The following ZFHX3 variants were observed in gnomAD, a reference collection of about 807,000 sequenced individuals.
The protein encoded by ZFHX3 is zinc finger homeobox 3, also known as zinc finger homeobox protein 3.
A neutral mutation model predicts 279.1 loss-of-function variants in ZFHX3; 42 were observed. The ratio of observed to expected loss-of-function variants is 0.15; its 90% CI spans 0.12 to 0.19. The LOEUF (loss-of-function observed/expected upper bound fraction) is 0.19. Among genes scored for constraint, ZFHX3 ranks in the 10% least tolerant of loss-of-function variants. The pLI, the probability that ZFHX3 is intolerant of heterozygous loss-of-function variation, is 1.00. For missense variants in ZFHX3, 4,981 were observed against 4,754.0 expected (o/e 1.05, Z -1.40); for synonymous variants, 2,293 against 1,957.8 (o/e 1.17, Z -4.52).
At chr16:73,421,154 GA>G (rs3214481) in intron 3 of ZFHX3, 106,101 of 151,690 alleles carry the variant, frequency 0.7, 37,546 homozygotes, top group African/African-American at 0.82. Context: ...CAAATGAATG[GA>G]AAAAAAAATA....
Position 73,467,157 on chromosome 16 carries a change from T to C in ZFHX3, c.-1546-10899A>G, listed in dbSNP as rs372351932. Among the ~76,000 whole-genome samples the C allele has an allele frequency of 1.4e-4, 22 of 152,160 alleles. 1 individual carries two copies. The South Asian group carries it at 4.6e-3, about 32-fold the overall frequency. ...TTTGCATCTCAAGAAGTCATAAAAA[T>C]GGGATGAATCAGGAGTCAGGAAAAG... On this transcript the variant is annotated intron_variant, in intron 2 of 17. Transcript: ENST00000641206.
chr16:73,822,106 C>A (rs1960761187), intron 1 of ZFHX3, among the ~76,000 whole-genome samples: 1 of 152,150 alleles, frequency 6.6e-6, no homozygotes, highest in Admixed American at 6.5e-5. Context: ...CATCAGTGTC[C>A]AGTACAATAA....
At chr16:73,138,388 G>A (rs574329229) in intron 6 of ZFHX3, among the ~76,000 whole-genome samples, 6 of 152,078 alleles carry the variant, frequency 3.9e-5, no homozygotes, top group South Asian at 4.2e-4. Flanking sequence ...GAATCTACCC[G>A]CTGACGGTCA....
In ZFHX3 at chr16:73,525,921, G is replaced by A. The variant is rs138936423; in HGVS notation, c.-1546-69663C>T. On this transcript the variant is annotated intron_variant, in intron 2 of 17. Transcript: ENST00000641206. ...AAAAGCAGGTGAGAGCCAGACACAC[G>A]ATTTACCCCAAGCTTCTGCCTCTTG... Among the ~76,000 whole-genome samples, 5 of 152,240 alleles carry A rather than the reference G, an allele frequency of 3.3e-5. No individual in the cohort carries two copies. The South Asian group carries it at 8.3e-4, about 25-fold the overall frequency.
rs750683557 is a variant in ZFHX3 at position 73,197,405 on chromosome 16, T to C, written c.-1103-53574A>G. ...CTAGCAAGGTGGATATGGTGATTGGTCCAAGTACCATGTCTGTTGTCTGTT... is the reference window on the plus strand; with the variant it reads ...CTAGCAAGGTGGATATGGTGATTGGCCCAAGTACCATGTCTGTTGTCTGTT... On this transcript the variant is annotated intron_variant, in intron 5 of 17. Transcript: ENST00000641206. Among the ~76,000 whole-genome samples, 5 of 152,166 alleles carry C rather than the reference T, an allele frequency of 3.3e-5. No homozygotes were observed. The South Asian group carries it at 1.0e-3, about 31-fold the overall frequency.
At chr16:73,143,898 T>C in intron 5 of ZFHX3, 1 of 582,852 alleles carries the variant, frequency 1.7e-6, no homozygotes, top group South Asian at 1.6e-5. Context: ...GCAGGCCAAG[T>C]GGCTAATGAA....
intron 5 of ZFHX3, among the ~76,000 whole-genome samples, chr16:73,159,672 A>C (rs1334357868): frequency 3.9e-5 from 6 of 152,152 alleles, no homozygotes; most frequent in Admixed American, 3.9e-4. Context: ...TTAAGTTACT[A>C]AGTGTTGGGA....
At chr16:72,949,138 A>C (rs1376273024) in intron 3 of ZFHX3, among the ~76,000 whole-genome samples, 2 of 152,210 alleles carry the variant, frequency 1.3e-5, no homozygotes, top group Admixed American at 1.3e-4. Context: ...GAACAACTAT[A>C]AAATGAAGTA....
intron 2 of ZFHX3, chr16:73,554,378 T>C (rs1275656647): frequency 6.6e-6 from 1 of 152,136 alleles, no homozygotes; most frequent in Non-Finnish European, 1.5e-5. Flanking sequence ...CATGACAATA[T>C]CTTCTTTGCA....
chr16:73,682,924 G>A (rs1199783170), intron 1 of ZFHX3, among the ~76,000 whole-genome samples: 16 of 43,496 alleles, frequency 3.7e-4, no homozygotes, highest in African/African-American at 1.1e-3. Flanking sequence ...AAGAGAGAAA[G>A]AGAAAGAAAG....
In ZFHX3 at chr16:72,980,419, C is replaced by T. The variant is rs142170672; in HGVS notation, c.-49-20225G>A. Among the ~76,000 whole-genome samples the T allele has an allele frequency of 6.2e-3, 947 of 152,164 alleles. 6 individuals carry two copies. Among genetic ancestry groups the T allele is most frequent in the African/African-American group, 0.021 (873 of 41,500 alleles). On this transcript the variant is annotated intron_variant, in intron 1 of 9. Transcript: ENST00000268489. The stretch of plus-strand genomic sequence containing the variant: ...CAAATGTAAAAAGCCATTTTGGGGA[C>T]AATCAGATAAGTCTGAATTGCAACT...
intron 2 of ZFHX3, among the ~76,000 whole-genome samples, chr16:73,599,612 T>C (rs897677300): frequency 6.6e-6 from 1 of 152,140 alleles, no homozygotes; most frequent in Non-Finnish European, 1.5e-5. Flanking sequence ...CAAATTGCTT[T>C]GGATTTTCTC....
At chr16:73,191,895 T>A (rs1259504195) in intron 5 of ZFHX3, among the ~76,000 whole-genome samples, 2 of 152,172 alleles carry the variant, frequency 1.3e-5, no homozygotes, top group African/African-American at 4.8e-5. Flanking sequence ...CACGCTTTAG[T>A]GGACATATGT....
At chr16:73,416,789 G>A (rs551992255) in intron 3 of ZFHX3, among the ~76,000 whole-genome samples, 73 of 146,896 alleles carry the variant, frequency 5.0e-4, no homozygotes, top group African/African-American at 1.6e-3. Context: ...CAGGAGAATG[G>A]CGTGAACTCG....
At chr16:72,971,572 G>T (rs558446304) in intron 1 of ZFHX3, among the ~76,000 whole-genome samples, 5 of 152,084 alleles carry the variant, frequency 3.3e-5, no homozygotes, top group Non-Finnish European at 7.3e-5. Flanking sequence ...CGTTGTGTCT[G>T]TATTGCCTTA....
At chr16:73,701,373 G>A (rs1408460322) in intron 1 of ZFHX3, among the ~76,000 whole-genome samples, 1 of 152,094 alleles carries the variant, frequency 6.6e-6, no homozygotes, top group African/African-American at 2.4e-5. Context: ...ATTGTTTAAA[G>A]TCTTCAAAAA....
intron 3 of ZFHX3, among the ~76,000 whole-genome samples, chr16:73,368,255 G>A (rs1383174448): frequency 6.6e-6 from 1 of 152,212 alleles, no homozygotes; most frequent in African/African-American, 2.4e-5. Context: ...TGGAAGAGCT[G>A]CAAAACAAAA....
intron 1 of ZFHX3, among the ~76,000 whole-genome samples, chr16:73,692,423 A>G (rs1045253281): frequency 1.3e-5 from 2 of 152,200 alleles, no homozygotes; most frequent in African/African-American, 4.8e-5. Context: ...CCAGATGCCA[A>G]TGACACTGGG....
intron 3 of ZFHX3, among the ~76,000 whole-genome samples, chr16:73,362,210 G>A (rs903111259): frequency 1.3e-5 from 2 of 152,188 alleles, no homozygotes; most frequent in African/African-American, 4.8e-5. Flanking sequence ...TCTGGGGAGA[G>A]GAATTAGGAG....
Sources: gnomAD v4.1 joint callset for allele counts (sites outside exome capture counted in the v4.1 genomes callset) on GRCh38, gnomAD v4.1.1 for gene constraint, MANE v1.5 for transcripts, NCBI Gene and HGNC (gene_info 2026-07-23, HGNC 2026-07-21) for gene names.